Variants in RBM47 observed in about 807,000 individuals in gnomAD.
RBM47 encodes RNA binding motif protein 47.
In RBM47, 21 loss-of-function variants were observed where a neutral mutation model predicts 47.1. The observed-to-expected ratio is 0.45, with a 90% confidence interval of 0.32 to 0.64. The LOEUF (loss-of-function observed/expected upper bound fraction) is 0.64, where lower values mean the gene tolerates loss of function less well. Among genes scored for constraint, RBM47 ranks in the 30% least tolerant of loss-of-function variants. The pLI is 0.05. For missense variants in RBM47, 708 were observed against 870.9 expected (o/e 0.81, Z 2.35); for synonymous variants, 375 against 361.7 (o/e 1.04, Z -0.42).
chr4:40,537,208 C>G (rs776466908), intron 2 of RBM47, among the ~76,000 whole-genome samples: 1 of 151,506 alleles, frequency 6.6e-6, no homozygotes, highest in Non-Finnish European at 1.5e-5. Flanking sequence ...ACCTCATAGG[C>G]TCAAGCAATC....
chr4:40,621,003 CAAACA>C (rs1393648579), intron 1 of RBM47, among the ~76,000 whole-genome samples: 2 of 124,748 alleles, frequency 1.6e-5, no homozygotes, highest in African/African-American at 7.4e-5. Context: ...TAGAAGGAAA[CAAACA>C]AAAAAAAAAA....
At chr4:40,568,270 A>G (rs537406049) in intron 1 of RBM47, among the ~76,000 whole-genome samples, 1 of 151,370 alleles carries the variant, frequency 6.6e-6, no homozygotes, top group South Asian at 2.1e-4. Context: ...TACAAAAAAA[A>G]CACAAAAATT....
intron 2 of RBM47, among the ~76,000 whole-genome samples, chr4:40,524,945 T>C (rs1726551967): frequency 6.6e-6 from 1 of 152,210 alleles, no homozygotes; most frequent in African/African-American, 2.4e-5. Context: ...ATGATCCTGA[T>C]CCAGGCCACT....
Position 40,438,340 on chromosome 4 carries a change from G to A in RBM47, c.554C>T (p.Ala185Val). The A allele has an allele frequency of 6.2e-7, 1 of 1,610,334 alleles. No individual in the cohort carries two copies. Among genetic ancestry groups the A allele is most frequent in the Non-Finnish European group, 8.5e-7 (1 of 1,179,940 alleles). Residue 185 changes from alanine (A) to valine (V), a missense_variant, in exon 4 of 7, where the codon GCC (alanine) becomes GTC (valine). Physicochemically the swap from Ala to Val is moderately conservative, Grantham distance 64 (BLOSUM62 0). Transcript: ENST00000295971. ...TEGVLDVIVY[A>V]SAADKMKNRG... is the part of the protein sequence containing the mutation. ...GTTCTTCATCTTGTCGGCCGCGCTG[G>A]CGTAGACGATCACGTCCAGCACGCC...
chr4:40,620,668 C>T (rs1473705656), intron 1 of RBM47, among the ~76,000 whole-genome samples: 1 of 152,116 alleles, frequency 6.6e-6, no homozygotes, highest in African/African-American at 2.4e-5. Flanking sequence ...TCTAATTTAA[C>T]ATTTATATGC....
chr4:40,529,782 T>C (rs182607920), intron 2 of RBM47, among the ~76,000 whole-genome samples: 55 of 149,218 alleles, frequency 3.7e-4, no homozygotes, highest in African/African-American at 1.2e-3. Context: ...TGAGCCGAGA[T>C]TGTGCCACTG....
At chr4:40,586,619 G>A (rs183469618) in intron 1 of RBM47, among the ~76,000 whole-genome samples, 28 of 149,884 alleles carry the variant, frequency 1.9e-4, no homozygotes, top group African/African-American at 5.7e-4. Flanking sequence ...CCAGCTTGGC[G>A]CTCCGTCCAC....
intron 2 of RBM47, among the ~76,000 whole-genome samples, chr4:40,529,849 T>C (rs200572348): frequency 0.21 from 28,851 of 136,652 alleles, 3,392 homozygotes; most frequent in African/African-American, 0.34. Flanking sequence ...AATAAATAAA[T>C]AAATAAATAA....
intron 2 of RBM47, among the ~76,000 whole-genome samples, chr4:40,472,952 C>T (rs1054204555): frequency 1.8e-4 from 27 of 152,132 alleles, no homozygotes; most frequent in Non-Finnish European, 3.1e-4. Flanking sequence ...TTCCCCATGA[C>T]ATTCAAAAGA....
intron 2 of RBM47, among the ~76,000 whole-genome samples, chr4:40,522,087 T>C (rs954432845): frequency 1.3e-5 from 2 of 152,240 alleles, no homozygotes; most frequent in Non-Finnish European, 2.9e-5. Flanking sequence ...AACCATGATG[T>C]TACAGAATCA....
intron 2 of RBM47, among the ~76,000 whole-genome samples, chr4:40,479,630 AAATAAAATGGTACCTTCTC>A (rs766319221): frequency 1.3e-5 from 2 of 151,770 alleles, no homozygotes; most frequent in Non-Finnish European, 2.9e-5. Flanking sequence ...ATATAAATAT[AAATAAAATGGTACCTTCTC>A]AATTGGCATC....
chr4:40,517,087 A>G (rs376610852), intron 2 of RBM47, among the ~76,000 whole-genome samples: 86 of 151,318 alleles, frequency 5.7e-4, no homozygotes, highest in African/African-American at 2.1e-3. Flanking sequence ...CGTGTCCTCA[A>G]ATGCCATCCC....
At chr4:40,626,105 C>T (rs1214952828) in intron 1 of RBM47, among the ~76,000 whole-genome samples, 1 of 152,210 alleles carries the variant, frequency 6.6e-6, no homozygotes, top group Non-Finnish European at 1.5e-5. Context: ...CCATATGCAT[C>T]TAGACACACC....
chr4:40,601,887 G>A (rs1020615024), intron 1 of RBM47, among the ~76,000 whole-genome samples: 1 of 152,174 alleles, frequency 6.6e-6, no homozygotes, highest in African/African-American at 2.4e-5. Context: ...AATCTCTCTG[G>A]GTCGGGCGTG....
intron 2 of RBM47, among the ~76,000 whole-genome samples, chr4:40,525,803 T>A (rs944488540): frequency 1.3e-5 from 2 of 152,178 alleles, no homozygotes; most frequent in Non-Finnish European, 2.9e-5. Context: ...CACCTGGCAG[T>A]GAGCATCAGA....
chr4:40,585,514 C>G (rs959417931), intron 1 of RBM47, among the ~76,000 whole-genome samples: 1 of 152,134 alleles, frequency 6.6e-6, no homozygotes, highest in African/African-American at 2.4e-5. Flanking sequence ...AGAAAAAGCA[C>G]GTACATTATA....
intron 1 of RBM47, among the ~76,000 whole-genome samples, chr4:40,552,697 G>A (rs1338233551): frequency 6.6e-6 from 1 of 152,182 alleles, no homozygotes; most frequent in Non-Finnish European, 1.5e-5. Flanking sequence ...CCCTCTAGGA[G>A]CCTGCATAGC....
At chr4:40,528,859 C>T (rs1727038734) in intron 2 of RBM47, among the ~76,000 whole-genome samples, 2 of 152,008 alleles carry the variant, frequency 1.3e-5, no homozygotes, top group East Asian at 1.9e-4. Flanking sequence ...AGGAGAATGG[C>T]GTGAACCCGG....
intron 2 of RBM47, among the ~76,000 whole-genome samples, chr4:40,498,282 A>C (rs1722913058): frequency 6.6e-6 from 1 of 151,916 alleles, no homozygotes; most frequent in Non-Finnish European, 1.5e-5. Flanking sequence ...TGGTTACCTA[A>C]AATTGATGCT....
Sources: allele counts gnomAD v4.1 joint callset (sites outside exome capture counted in the v4.1 genomes callset), GRCh38; gene constraint gnomAD v4.1.1; transcripts MANE v1.5; gene names NCBI Gene and HGNC (gene_info 2026-07-23, HGNC 2026-07-21).